LRP2: variants seen among roughly 807,000 people sequenced by gnomAD.
LRP2 encodes low-density lipoprotein receptor-related protein 2.
A neutral mutation model predicts 531.0 loss-of-function variants in LRP2; 172 were observed. The ratio of observed to expected loss-of-function variants is 0.32; its 90% CI spans 0.29 to 0.37. The LOEUF (loss-of-function observed/expected upper bound fraction) is 0.37, where lower values mean the gene tolerates loss of function less well. Among genes scored for constraint, LRP2 ranks in the 10% least tolerant of loss-of-function variants. LRP2 has a pLI of 1.00. For missense variants in LRP2, 5,167 were observed against 5,868.3 expected, an observed-to-expected ratio of 0.88 and a Z score of 3.90; for synonymous variants, 1,992 against 2,027.6, an observed-to-expected ratio of 0.98 and a Z score of 0.47.
intron 4 of LRP2, among the ~76,000 whole-genome samples, chr2:169,301,904 C>A (rs1034143667): frequency 1.6e-4 from 24 of 152,254 alleles, no homozygotes; most frequent in African/African-American, 5.5e-4. Context: ...ACTACAACAT[C>A]AAGCTCCCTA....
intron 18 of LRP2, 48 bp downstream of exon 18, chr2:169,257,076 T>C: frequency 6.2e-7 from 1 of 1,608,984 alleles, no homozygotes; most frequent in Non-Finnish European, 8.5e-7. Flanking sequence ...CATTATGTGT[T>C]CTGCAGTAAA....
chr2:169,329,466 T>C (rs1181646821), intron 1 of LRP2, among the ~76,000 whole-genome samples: 1 of 151,592 alleles, frequency 6.6e-6, no homozygotes, highest in Non-Finnish European at 1.5e-5. Context: ...TCTTGGAGAG[T>C]GGTAGGCAAC....
intron 16 of LRP2, among the ~76,000 whole-genome samples, chr2:169,260,040 C>T (rs1480684252): frequency 6.6e-6 from 1 of 152,040 alleles, no homozygotes; most frequent in Non-Finnish European, 1.5e-5. Flanking sequence ...GAAACTGGAC[C>T]AAGTATTCTA....
intron 1 of LRP2, among the ~76,000 whole-genome samples, chr2:169,357,222 C>T (rs1235456434): frequency 1.3e-5 from 2 of 151,224 alleles, no homozygotes; most frequent in African/African-American, 4.8e-5. Context: ...AACCCCTTTC[C>T]TATCCATTCA....
In LRP2 at chr2:169,233,400, G is replaced by A. The variant is rs1689482449; in HGVS notation, c.5098+11C>T. The A allele has an allele frequency of 6.2e-7, 1 of 1,613,988 alleles. No individual in the cohort carries two copies. The highest frequency in any genetic ancestry group is 1.7e-5 in the Admixed American group (1 of 60,000). On this transcript the variant is annotated intron_variant, in intron 30 of 78. Coordinates refer to ENST00000649046, the MANE Select transcript of LRP2 (RefSeq NM_004525.3). ...CTACTCCCAGGCAGGATGTTTCTCTGTATCACTCACAATTTGGTTGTTTCG... is the reference window on the plus strand; with the variant it reads ...CTACTCCCAGGCAGGATGTTTCTCTATATCACTCACAATTTGGTTGTTTCG...
intron 27 of LRP2, 62 bp downstream of exon 27, chr2:169,238,029 A>C: frequency 1.4e-6 from 2 of 1,434,356 alleles, no homozygotes; most frequent in Non-Finnish European, 2.0e-6. Flanking sequence ...CTGGTGAATA[A>C]CAGCAAACAG....
intron 1 of LRP2, among the ~76,000 whole-genome samples, chr2:169,343,507 A>G (rs1308031312): frequency 2.6e-5 from 4 of 152,206 alleles, no homozygotes; most frequent in African/African-American, 7.2e-5. Context: ...CCAAATGTTT[A>G]CTGAATGCTC....
intron 17 of LRP2, among the ~76,000 whole-genome samples, chr2:169,258,251 T>G (rs1447120438): frequency 1.3e-5 from 2 of 152,092 alleles, no homozygotes. Context: ...TGCGGGCCCT[T>G]TCACAAGTCA....
rs1005139857 is a variant in LRP2 at position 169,174,037 on chromosome 2, G to C, written c.10896C>G (p.Ser3632Arg). The C allele has an allele frequency of 6.2e-7, 1 of 1,614,230 alleles. No individual in the cohort carries two copies. The highest frequency in any genetic ancestry group is 8.5e-7 in the Non-Finnish European group (1 of 1,180,046). The change falls in exon 56 of 79, where the codon AGC becomes AGG. Residue 3632 changes from serine to arginine, a missense_variant. This residue lies in a region of LRP2 where 311 missense variants were observed against 309.4 expected (regional missense o/e 1.01). Transcript: ENST00000649046. ...GAAACTGGCCCGGCCGGCAGGTCCTGCTGGCACAGTGGGAACTGTCTTCAT... is the reference window on the plus strand; with the variant it reads ...GAAACTGGCCCGGCCGGCAGGTCCTCCTGGCACAGTGGGAACTGTCTTCAT... ...NSDEDSSHCASRTCRPGQFRC... is the reference protein window; with the variant it reads ...NSDEDSSHCARRTCRPGQFRC...
intron 1 of LRP2, among the ~76,000 whole-genome samples, chr2:169,330,384 T>C (rs893162454): frequency 1.3e-5 from 2 of 152,216 alleles, no homozygotes; most frequent in African/African-American, 2.4e-5. Context: ...CTCTCAATTC[T>C]GAGCAATGAG....
rs777314724 is a variant in LRP2, at chr2:169,238,099, T to G, written c.4498A>C (p.Arg1500=). 11 of 1,613,872 alleles carry G rather than the reference T, an allele frequency of 6.8e-6. No homozygotes were observed. The highest frequency in any genetic ancestry group is 5.3e-5 in the African/African-American group (4 of 74,924). Residue 1500 remains arginine, a synonymous_variant, in exon 27 of 79, where the codon AGA becomes CGA. Transcript: ENST00000649046. Reference sequence around the variant, plus strand: ...AACAGAAATGTACTTACCACTCTTCTGTCCGTTCCATTTTGAAACGCACTC... The same window carrying G: ...AACAGAAATGTACTTACCACTCTTCGGTCCGTTCCATTTTGAAACGCACTC... ...TWSAFQNGTD[R]RVVFDSSIIL... is the part of the protein sequence containing the mutation.
chr2:169,313,604 G>A (rs981863319), intron 3 of LRP2, among the ~76,000 whole-genome samples: 3 of 152,300 alleles, frequency 2.0e-5, no homozygotes, highest in Admixed American at 6.5e-5. Flanking sequence ...GGCCGTATCC[G>A]GTGTCAGTCG....
intron 42 of LRP2, 77 bp downstream of exon 42, chr2:169,203,905 A>G (rs777438118): frequency 3.3e-6 from 5 of 1,501,186 alleles, no homozygotes; most frequent in Non-Finnish European, 4.6e-6. Flanking sequence ...TTCTCCTGTG[A>G]GAACTTCAGC....
intron 3 of LRP2, among the ~76,000 whole-genome samples, chr2:169,315,469 G>A (rs549975277): frequency 6.6e-6 from 1 of 152,298 alleles, no homozygotes; most frequent in African/African-American, 2.4e-5. Context: ...AAGCAAAGAA[G>A]GACTGTCTAG....
chr2:169,258,826 T>C (rs867435768), intron 17 of LRP2, among the ~76,000 whole-genome samples, 199 bp downstream of exon 17: 32 of 152,112 alleles, frequency 2.1e-4, no homozygotes, highest in African/African-American at 7.2e-4. Flanking sequence ...AAGAAATGTT[T>C]TGGGTTTAAA....
chr2:169,207,964 T>C (rs1688455141), intron 38 of LRP2, among the ~76,000 whole-genome samples: 1 of 152,250 alleles, frequency 6.6e-6, no homozygotes, highest in Non-Finnish European at 1.5e-5. Context: ...TTCCTATATC[T>C]GATTCAAACC....
intron 1 of LRP2, among the ~76,000 whole-genome samples, chr2:169,360,759 C>CT (rs1686127623): frequency 6.6e-6 from 1 of 152,210 alleles, no homozygotes; most frequent in South Asian, 2.1e-4. Context: ...CTTGCCTCTC[C>CT]TGCCTTTCTG....
At chr2:169,150,126 G>A (rs1686068759) in intron 68 of LRP2, among the ~76,000 whole-genome samples, 1 of 152,128 alleles carries the variant, frequency 6.6e-6, no homozygotes, top group Non-Finnish European at 1.5e-5. Context: ...GTTTCTGAGG[G>A]TATGATTTAA....
At chr2:169,215,177 C>T (rs909451064) in intron 35 of LRP2, among the ~76,000 whole-genome samples, 2 of 152,186 alleles carry the variant, frequency 1.3e-5, no homozygotes, top group Non-Finnish European at 2.9e-5. Flanking sequence ...ATTATAGGTC[C>T]ATATTCGGAG....
Sources: gnomAD v4.1 joint callset for allele counts (sites outside exome capture counted in the v4.1 genomes callset) on GRCh38, gnomAD v4.1.1 for gene constraint, gnomAD v4.1.1 regional missense constraint, MANE v1.5 for transcripts, NCBI Gene and HGNC (gene_info 2026-07-23, HGNC 2026-07-21) for gene names.